PTPRD: variants seen among roughly 807,000 people sequenced by gnomAD.
PTPRD encodes the protein protein tyrosine phosphatase receptor type D, also known as receptor-type tyrosine-protein phosphatase delta.
In PTPRD, 34 loss-of-function variants were observed where a neutral mutation model predicts 214.5. The ratio of observed to expected loss-of-function variants is 0.16; its 90% CI spans 0.12 to 0.21. The LOEUF is 0.21. PTPRD is among the 10% of genes least tolerant of loss of function. The pLI, the probability that PTPRD is intolerant of heterozygous loss-of-function variation, is 1.00. For synonymous variants in PTPRD, 1,128 were observed against 845.7 expected (o/e 1.33, Z -5.79); for missense variants, 2,545 against 2,398.7 (o/e 1.06, Z -1.27).
intron 11 of PTPRD, among the ~76,000 whole-genome samples, chr9:8,991,567 T>G (rs371980417): frequency 5.9e-5 from 9 of 152,204 alleles, no homozygotes; most frequent in Admixed American, 1.3e-4. Context: ...TTCATTTGTG[T>G]GGGAGTAAGA....
intron 7 of PTPRD, among the ~76,000 whole-genome samples, chr9:9,640,595 A>C (rs764218680): frequency 3.3e-5 from 5 of 152,216 alleles, no homozygotes; most frequent in Non-Finnish European, 5.9e-5. Context: ...TTCACATAGA[A>C]GGTAAGCCTG....
intron 44 of PTPRD, among the ~76,000 whole-genome samples, chr9:8,321,528 A>ATATATATATATAT (rs1563892616): frequency 6.3e-5 from 5 of 79,174 alleles, no homozygotes; most frequent in African/African-American, 1.2e-4. Context: ...TATATATATA[A>ATATATATATATAT]AAGGTATATG....
chr9:8,774,423 T>C (rs952510759), intron 11 of PTPRD, among the ~76,000 whole-genome samples: 1 of 150,822 alleles, frequency 6.6e-6, no homozygotes, highest in Admixed American at 6.6e-5. Flanking sequence ...AAGATGAAGA[T>C]GAAGAAAAAA....
intron 7 of PTPRD, among the ~76,000 whole-genome samples, chr9:9,605,139 C>G (rs894109323): frequency 6.6e-6 from 1 of 152,078 alleles, no homozygotes; most frequent in Non-Finnish European, 1.5e-5. Flanking sequence ...AACGTATACA[C>G]TGGAACATTA....
chr9:10,034,145 G>A (rs1174948915), intron 3 of PTPRD, among the ~76,000 whole-genome samples: 1 of 151,888 alleles, frequency 6.6e-6, no homozygotes, highest in East Asian at 1.9e-4. Flanking sequence ...AAATTCATAT[G>A]GAAAAAAATA....
At chr9:10,002,452 A>T (rs973209614) in intron 4 of PTPRD, among the ~76,000 whole-genome samples, 1 of 150,504 alleles carries the variant, frequency 6.6e-6, no homozygotes, top group African/African-American at 2.4e-5. Flanking sequence ...GAAACACTAA[A>T]TTCAAAGACA....
At chr9:9,621,573 G>A (rs2095240393) in intron 7 of PTPRD, among the ~76,000 whole-genome samples, 1 of 152,194 alleles carries the variant, frequency 6.6e-6, no homozygotes, top group Non-Finnish European at 1.5e-5. Context: ...CAGTGTGAAA[G>A]CAGGATGAAC....
chr9:9,750,358 T>A (rs2098504755), intron 6 of PTPRD, among the ~76,000 whole-genome samples: 2 of 152,142 alleles, frequency 1.3e-5, no homozygotes, highest in East Asian at 3.9e-4. Flanking sequence ...AGATTAAACA[T>A]CTAATCTATA....
Position 10,566,556 on chromosome 9 carries a change from G to A in PTPRD, c.-600+45842C>T, listed in dbSNP as rs543325282. On this transcript the variant is annotated intron_variant, in intron 2 of 45. Coordinates refer to ENST00000381196, the MANE Select transcript of PTPRD (RefSeq NM_002839.4). ...CCTAAGGTGGTTGTTTTTCTGATTT[G>A]TAGGAGTTCTATGTTCTGTATATTA... is the stretch of plus-strand genomic sequence containing the variant. Among the ~76,000 whole-genome samples, 11 of 152,038 alleles carry A rather than the reference G, an allele frequency of 7.2e-5. No homozygotes were observed. In the South Asian group the frequency reaches 2.3e-3, roughly 32 times the overall value.
chr9:10,334,670 C>T (rs1415713244), intron 3 of PTPRD, among the ~76,000 whole-genome samples: 28 of 151,380 alleles, frequency 1.8e-4, no homozygotes. Context: ...TCCAGAACAA[C>T]AACAACAACA....
chr9:10,365,716 G>T (rs573491522), intron 2 of PTPRD, among the ~76,000 whole-genome samples: 70 of 152,038 alleles, frequency 4.6e-4, no homozygotes, highest in African/African-American at 1.6e-3. Context: ...TTAACCAATG[G>T]TTTTCTATTT....
At chr9:9,484,206 C>G (rs2095533177) in intron 8 of PTPRD, among the ~76,000 whole-genome samples, 1 of 145,548 alleles carries the variant, frequency 6.9e-6, no homozygotes. Context: ...GAATACTATA[C>G]AGCAAAAAAA....
At chr9:10,267,622 T>C (rs2094155059) in intron 3 of PTPRD, among the ~76,000 whole-genome samples, 1 of 152,208 alleles carries the variant, frequency 6.6e-6, no homozygotes, top group Admixed American at 6.5e-5. Flanking sequence ...GGAATATAAA[T>C]TGGTACAATG....
At chr9:9,577,525 C>T (rs1048367746) in intron 7 of PTPRD, among the ~76,000 whole-genome samples, 5 of 152,056 alleles carry the variant, frequency 3.3e-5, no homozygotes, top group Non-Finnish European at 7.4e-5. Context: ...GATTGTGCCA[C>T]TGCATCCAGC....
chr9:9,571,370 G>A (rs1185595564), intron 8 of PTPRD, among the ~76,000 whole-genome samples: 7 of 151,098 alleles, frequency 4.6e-5, no homozygotes, highest in Admixed American at 4.6e-4. Context: ...TCTTAATGAA[G>A]CGCATATAAC....
intron 8 of PTPRD, among the ~76,000 whole-genome samples, chr9:9,535,331 G>A (rs1183331237): frequency 6.6e-6 from 1 of 152,082 alleles, no homozygotes; most frequent in Non-Finnish European, 1.5e-5. Flanking sequence ...AGTTTTAAAC[G>A]ATCCAAAAGT....
chr9:9,646,831 A>T (rs529204646), intron 7 of PTPRD, among the ~76,000 whole-genome samples: 75 of 152,216 alleles, frequency 4.9e-4, no homozygotes, highest in Non-Finnish European at 9.8e-4. Flanking sequence ...AATAACTAAG[A>T]ATAGAACAAT....
intron 2 of PTPRD, among the ~76,000 whole-genome samples, chr9:10,460,527 A>C (rs76319937): frequency 0.012 from 1,785 of 152,296 alleles, 34 homozygotes; most frequent in African/African-American, 0.039. Flanking sequence ...ATACAGATAC[A>C]CAGACCAGTG....
chr9:10,504,128 A>AT (rs1157884429), intron 2 of PTPRD, among the ~76,000 whole-genome samples: 25 of 138,032 alleles, frequency 1.8e-4, no homozygotes, highest in Non-Finnish European at 3.5e-4. Flanking sequence ...AAAAAAAAAA[A>AT]AAAAAAAAAA....
Sources: gnomAD v4.1 joint callset for allele counts (sites outside exome capture counted in the v4.1 genomes callset) on GRCh38, gnomAD v4.1.1 for gene constraint, MANE v1.5 for transcripts, NCBI Gene and HGNC (gene_info 2026-07-23, HGNC 2026-07-21) for gene names.